GRID2: variants seen among roughly 807,000 people sequenced by gnomAD.
GRID2 encodes the protein glutamate ionotropic receptor delta type subunit 2, also known as glutamate receptor ionotropic, delta-2.
In GRID2, 33 loss-of-function variants were observed where a neutral mutation model predicts 114.8. That is an observed-to-expected ratio of 0.29 (90% CI 0.22 to 0.38). GRID2 has a LOEUF of 0.38. Among genes scored for constraint, GRID2 ranks in the 10% least tolerant of loss-of-function variants. The pLI, the probability that GRID2 is intolerant of heterozygous loss-of-function variation, is 1.00. For synonymous variants in GRID2, 505 were observed against 449.9 expected (o/e 1.12, Z -1.55); for missense variants, 1,184 against 1,257.7 (o/e 0.94, Z 0.89).
intron 15 of GRID2, among the ~76,000 whole-genome samples, chr4:93,771,703 T>C (rs1351252698): frequency 6.6e-6 from 1 of 152,096 alleles, no homozygotes; most frequent in African/African-American, 2.4e-5. Flanking sequence ...GGAGGAAGCA[T>C]GTATAAAGAA....
chr4:93,185,930 T>A (rs1018620333), intron 4 of GRID2, among the ~76,000 whole-genome samples: 15 of 152,096 alleles, frequency 9.9e-5, no homozygotes, highest in African/African-American at 3.4e-4. Flanking sequence ...CAGTGTGTGA[T>A]GTTTCCCGCC....
At chr4:93,307,686 CTT>C (rs933827295) in intron 8 of GRID2, among the ~76,000 whole-genome samples, 32 of 152,238 alleles carry the variant, frequency 2.1e-4, no homozygotes, top group South Asian at 1.0e-3. Flanking sequence ...CGAAATATAA[CTT>C]AAATTTAATG....
At chr4:92,395,835 G>T (rs1468187942) in intron 1 of GRID2, among the ~76,000 whole-genome samples, 1 of 151,776 alleles carries the variant, frequency 6.6e-6, no homozygotes, top group East Asian at 1.9e-4. Context: ...ACTAATAAAT[G>T]AGTAATTATT....
intron 4 of GRID2, among the ~76,000 whole-genome samples, chr4:93,151,047 G>A (rs184281808): frequency 1.2e-4 from 18 of 150,154 alleles, no homozygotes; most frequent in East Asian, 8.0e-4. Flanking sequence ...GAGAATGGAC[G>A]TGGGATGCGG....
chr4:93,647,557 AC>A (rs1267833550), intron 14 of GRID2, among the ~76,000 whole-genome samples: 1 of 152,168 alleles, frequency 6.6e-6, no homozygotes, highest in African/African-American at 2.4e-5. Context: ...TCCCCTCTCA[AC>A]CAGAAACAGA....
chr4:93,577,094 G>T (rs958273611), intron 13 of GRID2, among the ~76,000 whole-genome samples: 24 of 152,074 alleles, frequency 1.6e-4, no homozygotes, highest in African/African-American at 5.6e-4. Flanking sequence ...TACCCATTTG[G>T]TTTAATATAG....
intron 1 of GRID2, among the ~76,000 whole-genome samples, chr4:92,394,859 T>G (rs1241779184): frequency 6.6e-6 from 1 of 151,782 alleles, no homozygotes; most frequent in Admixed American, 6.6e-5. Flanking sequence ...ATACTAAAAT[T>G]TAGTTTCCTC....
chr4:92,740,727 GATA>G (rs1736847778), intron 2 of GRID2, among the ~76,000 whole-genome samples: 3 of 144,318 alleles, frequency 2.1e-5, no homozygotes, highest in African/African-American at 8.1e-5. Flanking sequence ...TAGATAGATA[GATA>G]GATAGATAGA....
At chr4:92,845,357 T>A (rs1359375765) in intron 2 of GRID2, among the ~76,000 whole-genome samples, 1 of 152,090 alleles carries the variant, frequency 6.6e-6, no homozygotes, top group African/African-American at 2.4e-5. Context: ...TAGCATTAAA[T>A]TGAGTTTTAA....
intron 2 of GRID2, among the ~76,000 whole-genome samples, chr4:92,799,538 TCACTGTGTCCTCA>T (rs1195515344): frequency 6.6e-6 from 1 of 152,056 alleles, no homozygotes; most frequent in Non-Finnish European, 1.5e-5. Context: ...AGCCTCCTTG[TCACTGTGTCCTCA>T]CATCATCTTT....
intron 2 of GRID2, among the ~76,000 whole-genome samples, chr4:92,613,716 T>C (rs1315856437): frequency 6.6e-6 from 1 of 151,482 alleles, no homozygotes; most frequent in African/African-American, 2.4e-5. Context: ...GTCTTGTTGG[T>C]AGAGAGGTTC....
rs192430499 is a variant in GRID2 at position 93,353,175 on chromosome 4, C to T, written c.1246-42432C>T. Among the ~76,000 whole-genome samples, 4 of 152,070 alleles carry T rather than the reference C, an allele frequency of 2.6e-5. No individual in the cohort carries two copies. The East Asian group carries it at 5.8e-4, about 22-fold the overall frequency. On this transcript the variant is annotated intron_variant, in intron 8 of 15. Coordinates refer to ENST00000282020, the MANE Select transcript of GRID2 (RefSeq NM_001510.4). Reference sequence around the variant, plus strand: ...ACACATAGTAGTGAGCGTGGACTTCCATGGTTCATACATAAGAAGATTCTG... The same window carrying T: ...ACACATAGTAGTGAGCGTGGACTTCTATGGTTCATACATAAGAAGATTCTG...
At chr4:93,477,348 A>G (rs759878962) in intron 11 of GRID2, among the ~76,000 whole-genome samples, 14 of 152,126 alleles carry the variant, frequency 9.2e-5, no homozygotes, top group Non-Finnish European at 1.3e-4. Flanking sequence ...TTCAGTATGA[A>G]TGTTCGGAAG....
At chr4:92,927,328 T>C in intron 2 of GRID2, among the ~76,000 whole-genome samples, 1 of 151,888 alleles carries the variant, frequency 6.6e-6, no homozygotes, top group East Asian at 1.9e-4. Flanking sequence ...AGCTTACAGG[T>C]TAGCCTGCCA....
At chr4:93,408,050 G>A (rs1191402193) in intron 9 of GRID2, among the ~76,000 whole-genome samples, 1 of 152,072 alleles carries the variant, frequency 6.6e-6, no homozygotes, top group African/African-American at 2.4e-5. Context: ...CCAAGACCAT[G>A]GTCAGTAAAG....
chr4:93,222,409 A>T (rs1744986779), intron 6 of GRID2, among the ~76,000 whole-genome samples: 1 of 151,720 alleles, frequency 6.6e-6, no homozygotes, highest in African/African-American at 2.4e-5. Flanking sequence ...TAGTTGGAGA[A>T]AGGTAAGGAG....
At position 92,460,242 on chromosome 4, in the gene GRID2, G is replaced by A. The variant is rs186085577; in HGVS notation, c.89-129889G>A. 4.6e-5 allele frequency among the ~76,000 whole-genome samples: 7 copies of A among 151,458 alleles called. No homozygotes were observed. In the East Asian group the frequency reaches 1.2e-3, roughly 26 times the overall value. On this transcript the variant is annotated intron_variant, in intron 1 of 15. Coordinates refer to ENST00000282020, the MANE Select transcript of GRID2 (RefSeq NM_001510.4). ...CACAGATATTGAGAAGGCAAATACT[G>A]TGTGATCGAGATAATGGGGTCAGCA...
At chr4:92,538,150 A>C (rs914651414) in intron 1 of GRID2, among the ~76,000 whole-genome samples, 2 of 152,172 alleles carry the variant, frequency 1.3e-5, no homozygotes, top group African/African-American at 4.8e-5. Flanking sequence ...GGCTAATTTT[A>C]AGGGCTAACA....
chr4:92,867,505 T>A (rs1744956651), intron 2 of GRID2, among the ~76,000 whole-genome samples: 1 of 151,818 alleles, frequency 6.6e-6, no homozygotes, highest in African/African-American at 2.4e-5. Flanking sequence ...GCTTGAGTAC[T>A]CCAGTCAGTC....
Sources: gnomAD v4.1 joint callset for allele counts (sites outside exome capture counted in the v4.1 genomes callset) on GRCh38, gnomAD v4.1.1 for gene constraint, MANE v1.5 for transcripts, NCBI Gene and HGNC (gene_info 2026-07-23, HGNC 2026-07-21) for gene names.